TRPM3: variants seen among roughly 807,000 people sequenced by gnomAD.
TRPM3 encodes the protein transient receptor potential cation channel subfamily M member 3.
TRPM3 carries 77 observed loss-of-function variants against 181.2 expected under a neutral mutation model. The ratio of observed to expected loss-of-function variants is 0.42; its 90% confidence interval spans 0.35 to 0.51. The LOEUF is 0.51. TRPM3 is among the 20% of genes least tolerant of loss of function. TRPM3 has a pLI of 0.01. For synonymous variants in TRPM3, 745 were observed against 796.4 expected (o/e 0.94, Z 1.09); for missense variants, 1,759 against 2,196.7 (o/e 0.80, Z 3.98).
intron 22 of TRPM3, among the ~76,000 whole-genome samples, chr9:70,573,972 TCACACACACACACACACA>T (rs59193514): frequency 7.1e-5 from 10 of 141,002 alleles, no homozygotes; most frequent in East Asian, 2.1e-4. Context: ...GCAATTCATT[TCACACACACACACACACA>T]CACACACACA....
chr9:70,934,993 A>T (rs1473267670), intron 1 of TRPM3, among the ~76,000 whole-genome samples: 1 of 152,184 alleles, frequency 6.6e-6, no homozygotes, highest in Non-Finnish European at 1.5e-5. Flanking sequence ...TTCTTAGAGA[A>T]TAAAATGTAA....
At chr9:71,384,957 CTG>C (rs1364898465) in intron 1 of TRPM3, among the ~76,000 whole-genome samples, 1 of 152,136 alleles carries the variant, frequency 6.6e-6, no homozygotes, top group Admixed American at 6.6e-5. Flanking sequence ...ATAATGGACT[CTG>C]AAGTTTATCC....
intron 1 of TRPM3, among the ~76,000 whole-genome samples, chr9:71,042,058 T>A (rs1039240336): frequency 2.0e-5 from 3 of 152,206 alleles, no homozygotes; most frequent in Admixed American, 6.5e-5. Context: ...CCATCTTCCA[T>A]GCGAGAGACA....
At chr9:70,890,389 C>T (rs933388356) in intron 1 of TRPM3, among the ~76,000 whole-genome samples, 2 of 151,766 alleles carry the variant, frequency 1.3e-5, no homozygotes, top group Non-Finnish European at 2.9e-5. Context: ...GAACAGAGAA[C>T]ACCAAAAGAG....
At chr9:71,090,660 A>G (rs1267554686) in intron 1 of TRPM3, among the ~76,000 whole-genome samples, 1 of 152,128 alleles carries the variant, frequency 6.6e-6, no homozygotes, top group Non-Finnish European at 1.5e-5. Flanking sequence ...GGCAGCACAG[A>G]CTAAGTCACT....
At chr9:70,549,169 A>G (rs1250443565) in intron 25 of TRPM3, among the ~76,000 whole-genome samples, 2 of 152,248 alleles carry the variant, frequency 1.3e-5, no homozygotes, top group Non-Finnish European at 2.9e-5. Flanking sequence ...AAAGACGTGC[A>G]ATAGTCTACA....
chr9:71,436,307 T>C lies in TRPM3; in HGVS notation c.183+10346A>G, dbSNP rs556162736. On this transcript the variant is annotated intron_variant, in intron 1 of 24. Coordinates refer to the TRPM3 transcript ENST00000357533. ...TCTTTTTTTTTTCTTTCTTTTTTTTTTTTTTTTTTTTTTGAGATGGCATCT... is the reference window on the plus strand; with the variant it reads ...TCTTTTTTTTTTCTTTCTTTTTTTTCTTTTTTTTTTTTTGAGATGGCATCT... 7.3e-3 allele frequency among the ~76,000 whole-genome samples: 1,041 copies of C among 143,340 alleles called. 19 individuals are homozygous for C. The highest frequency in any genetic ancestry group is 0.026 in the African/African-American group (987 of 38,394). 94.0% of individuals were successfully genotyped at this position (143,340 alleles called of 152,430 possible).
intron 22 of TRPM3, among the ~76,000 whole-genome samples, chr9:70,579,880 C>T (rs1369130859): frequency 6.6e-6 from 1 of 152,224 alleles, no homozygotes; most frequent in Admixed American, 6.5e-5. Flanking sequence ...TCTTGCCCTC[C>T]AGACACTCAG....
intron 1 of TRPM3, among the ~76,000 whole-genome samples, chr9:71,246,177 C>A (rs1270728147): frequency 6.6e-6 from 1 of 152,138 alleles, no homozygotes; most frequent in Non-Finnish European, 1.5e-5. Context: ...AAAAGCAATT[C>A]AAGGAAATAT....
intron 6 of TRPM3, among the ~76,000 whole-genome samples, chr9:70,811,896 G>A (rs2092110598): frequency 6.6e-6 from 1 of 151,950 alleles, no homozygotes; most frequent in African/African-American, 2.4e-5. Flanking sequence ...TTCTCTCTCT[G>A]GCCAAGGTAT....
At chr9:70,831,154 G>T (rs954497736) in intron 5 of TRPM3, among the ~76,000 whole-genome samples, 1 of 152,114 alleles carries the variant, frequency 6.6e-6, no homozygotes, top group Non-Finnish European at 1.5e-5. Context: ...AATACAGTTT[G>T]GTCTAACTTG....
At chr9:70,619,886 T>C (rs79281529) in intron 16 of TRPM3, among the ~76,000 whole-genome samples, 190 bp downstream of exon 16, 2,137 of 152,286 alleles carry the variant, frequency 0.014, 46 homozygotes, top group African/African-American at 0.049. Flanking sequence ...AAATGTTCCA[T>C]GTTTCTGTAG....
intron 6 of TRPM3, 70 bp from the exon 7 acceptor site, chr9:70,784,349 A>T: frequency 6.9e-7 from 1 of 1,459,368 alleles, no homozygotes; most frequent in Middle Eastern, 1.9e-4. Context: ...CAAAGAAACA[A>T]AAAGAGAAAC....
intron 6 of TRPM3, among the ~76,000 whole-genome samples, chr9:70,797,687 C>T (rs1435899087): frequency 6.6e-6 from 1 of 152,160 alleles, no homozygotes; most frequent in Non-Finnish European, 1.5e-5. Flanking sequence ...CTATGCACAC[C>T]CTTGGACGTT....
intron 1 of TRPM3, among the ~76,000 whole-genome samples, chr9:71,180,050 CTTTT>C (rs35877663): frequency 9.9e-6 from 1 of 101,182 alleles, no homozygotes; most frequent in South Asian, 3.8e-4. Context: ...ATACATCCTT[CTTTT>C]TTTTTTTTTT....
chr9:70,842,965 A>T (rs1341979712), intron 5 of TRPM3, 38 bp downstream of exon 5: 4 of 1,606,776 alleles, frequency 2.5e-6, no homozygotes, highest in Non-Finnish European at 3.4e-6. Context: ...TATCCCCTCT[A>T]GGAGAAGTCA....
intron 1 of TRPM3, among the ~76,000 whole-genome samples, chr9:70,963,557 A>T (rs1340585232): frequency 6.6e-6 from 1 of 152,060 alleles, no homozygotes; most frequent in Admixed American, 6.6e-5. Context: ...GGCAACACAG[A>T]CTTGTTTGGT....
At chr9:71,207,295 AAT>A (rs1224666455) in intron 1 of TRPM3, among the ~76,000 whole-genome samples, 5 of 152,176 alleles carry the variant, frequency 3.3e-5, no homozygotes, top group African/African-American at 7.2e-5. Context: ...TAAATGAGAA[AAT>A]ATGTTTAATT....
intron 1 of TRPM3, among the ~76,000 whole-genome samples, chr9:71,119,807 T>G (rs1401841581): frequency 6.6e-6 from 1 of 152,170 alleles, no homozygotes; most frequent in African/African-American, 2.4e-5. Flanking sequence ...TTCTTTTTCT[T>G]GCCCTATCAC....
Sources: gnomAD v4.1 joint callset for allele counts (sites outside exome capture counted in the v4.1 genomes callset) on GRCh38, gnomAD v4.1.1 for gene constraint, MANE v1.5 for transcripts, NCBI Gene and HGNC (gene_info 2026-07-23, HGNC 2026-07-21) for gene names.